Variants in CYP4F3 observed in about 807,000 individuals in gnomAD.
CYP4F3 encodes the protein cytochrome P450 family 4 subfamily F member 3, also known as cytochrome P450 4F3.
CYP4F3 carries 50 observed loss-of-function variants against 54.8 expected under a neutral mutation model. That is an observed-to-expected ratio of 0.91 (90% CI 0.73 to 1.16). The LOEUF (loss-of-function observed/expected upper bound fraction) is 1.16, where lower values mean the gene tolerates loss of function less well. Ranked by LOEUF, CYP4F3 falls within the 50% of genes most tolerant of loss-of-function variation. The pLI is 0.00. For synonymous variants in CYP4F3, 244 were observed against 262.6 expected (o/e 0.93, Z 0.69); for missense variants, 715 against 676.2 (o/e 1.06, Z -0.64).
intron 5 of CYP4F3, 42 bp from the exon 6 acceptor site, chr19:15,649,118 G>T (rs781049233): frequency 1.2e-6 from 2 of 1,611,006 alleles, no homozygotes; most frequent in Non-Finnish European, 1.7e-6. Context: ...CTGCTCAAGG[G>T]AGCAAGGGAC....
rs1199478206 is a variant in CYP4F3 at position 15,641,573 on chromosome 19, A to C, written c.158A>C (p.Gln53Pro). 1 of 1,613,854 alleles carries C rather than the reference A, an allele frequency of 6.2e-7. No individual in the cohort carries two copies. The highest frequency in any genetic ancestry group is 1.7e-5 in the Admixed American group (1 of 59,998). ...TGCTGCCGCCTCCGGTGTTTCCCGC[A>C]ACCCCCGAAACGGAATTGGTTCTTG... The part of the protein sequence containing the change: ...DNCCRLRCFP[Q>P]PPKRNWFLGH... Residue 53 changes from glutamine (Q) to proline (P), a missense_variant, in exon 2 of 13, where the codon CAA (glutamine) becomes CCA (proline). Gln to Pro is a moderately conservative substitution (Grantham distance 76). Coordinates refer to ENST00000221307, the MANE Select transcript of CYP4F3 (RefSeq NM_000896.3).
chr19:15,641,634 G>A, intron 2 of CYP4F3, 21 bp downstream of exon 2: 1 of 1,613,184 alleles, frequency 6.2e-7, no homozygotes, highest in Non-Finnish European at 8.5e-7. Flanking sequence ...CAGCAGGACG[G>A]GTCTGGGGTC....
chr19:15,649,840 C>A (rs1972734359), intron 6 of CYP4F3, 73 bp from the exon 7 acceptor site: 2 of 1,575,060 alleles, frequency 1.3e-6, no homozygotes, highest in South Asian at 2.4e-5. Flanking sequence ...TAGCTCCTAG[C>A]TGCTGGTGGG....
rs757825148 is a variant in CYP4F3, at chr19:15,659,244, G to A, written c.1422G>A (p.Ala474=). The change falls in exon 13 of 13, where the codon GCG becomes GCA. Residue 474 remains alanine, a synonymous_variant. Transcript: ENST00000221307. ...GPRNCIGQAF[A]MAEMKVVLGL... ...GGAACTGCATCGGGCAGGCGTTCGCGATGGCGGAGATGAAGGTGGTCCTGG... is the reference window on the plus strand; with the variant it reads ...GGAACTGCATCGGGCAGGCGTTCGCAATGGCGGAGATGAAGGTGGTCCTGG... The A allele has an allele frequency of 1.4e-5, 22 of 1,611,524 alleles. No individual in the cohort carries two copies. Among genetic ancestry groups the A allele is most frequent in the African/African-American group, 5.4e-5 (4 of 74,574 alleles).
chr19:15,650,872 C>T (rs1383937433), intron 7 of CYP4F3, among the ~76,000 whole-genome samples: 18 of 69,210 alleles, frequency 2.6e-4, no homozygotes, highest in Admixed American at 5.7e-4. Flanking sequence ...CTTTCTTTTT[C>T]TCTCTCTCTC....
intron 11 of CYP4F3, 24 bp from the exon 12 acceptor site, chr19:15,658,703 A>T: frequency 6.2e-7 from 1 of 1,613,544 alleles, no homozygotes; most frequent in Non-Finnish European, 8.5e-7. Context: ...CCCACCCGGC[A>T]ACCCTTCTTG....
rs146797714 is a variant in CYP4F3 at position 15,647,104 on chromosome 19, G to T, written c.396G>T (p.Leu132=). Residue 132 remains leucine, a splice_region_variant and synonymous_variant, in exon 4 of 13, where the codon CTG becomes CTT. Coordinates refer to ENST00000221307, the MANE Select transcript of CYP4F3 (RefSeq NM_000896.3). Reference sequence around the variant, plus strand: ...TCTACAGCTTCCTGAAGCCCTGGCTGGGTGAGTATCTGTAGGTGAACAGGG... The same window carrying T: ...TCTACAGCTTCCTGAAGCCCTGGCTTGGTGAGTATCTGTAGGTGAACAGGG... The part of the protein sequence containing the change: ...KVFYSFLKPW[L]GDGLLLSAGE... 18 of 1,613,806 alleles carry T rather than the reference G, an allele frequency of 1.1e-5. No individual in the cohort carries two copies. The African/African-American group carries it at 2.4e-4, about 22-fold the overall frequency.
rs1973204842 is a variant in CYP4F3, at chr19:15,662,533, G to T, written c.*3148G>T. The T allele has an allele frequency of 6.6e-6, 1 of 151,848 alleles. No individual in the cohort carries two copies. Among genetic ancestry groups the T allele is most frequent in the Non-Finnish European group, 1.5e-5 (1 of 67,956 alleles). 9.4% of individuals were successfully genotyped at this position (151,848 alleles called of 1,614,324 possible). A position where few individuals can be genotyped will look rare whatever the true frequency, so the allele number is the denominator to read the frequency against. ...AATTTTTGGCTATTCTGCTTCCTTT[G>T]TGTTTCTATGTAAATTTTATCATCA... On this transcript the variant is annotated 3_prime_UTR_variant, in exon 13 of 13. Transcript: ENST00000221307.
At chr19:15,644,236 A>G (rs1298761585) in intron 2 of CYP4F3, among the ~76,000 whole-genome samples, 1 of 152,090 alleles carries the variant, frequency 6.6e-6, no homozygotes, top group Non-Finnish European at 1.5e-5. Flanking sequence ...CTCCATTGCC[A>G]TCTGACCCCC....
At chr19:15,648,445 T>C (rs189475299) in intron 5 of CYP4F3, among the ~76,000 whole-genome samples, 19 of 152,142 alleles carry the variant, frequency 1.2e-4, no homozygotes, top group Admixed American at 1.2e-3. Flanking sequence ...CTCAAAGTTA[T>C]TTTCTGCAAA....
Position 15,659,433 on chromosome 19 carries a change from T to C in CYP4F3, c.*48T>C, listed in dbSNP as rs1448894048. 11 of 1,595,882 alleles carry C rather than the reference T, an allele frequency of 6.9e-6. No homozygotes were observed. The highest frequency in any genetic ancestry group is 5.2e-5 in the Admixed American group (3 of 57,662). ...CCCCACTAAAATGACCCCTGATTCA[T>C]CAAAAGTGAGGCCTAGAATTACCCT... On this transcript the variant is annotated 3_prime_UTR_variant, in exon 13 of 13. Transcript: ENST00000221307.
chr19:15,645,893 A>G, intron 3 of CYP4F3, 30 bp downstream of exon 3: 2 of 1,570,432 alleles, frequency 1.3e-6, no homozygotes, highest in South Asian at 2.4e-5. Flanking sequence ...CTCCAGGTAG[A>G]CACTGCACTG....
intron 6 of CYP4F3, 133 bp from the exon 7 acceptor site, chr19:15,649,780 T>G: frequency 8.0e-7 from 1 of 1,256,376 alleles, no homozygotes; most frequent in Non-Finnish European, 1.1e-6. Context: ...ATCCCCATCC[T>G]GCATCTGAGG....
At chr19:15,646,258 G>A (rs1296111507) in intron 3 of CYP4F3, among the ~76,000 whole-genome samples, 3 of 152,146 alleles carry the variant, frequency 2.0e-5, no homozygotes, top group East Asian at 3.9e-4. Context: ...GGCATGTGAG[G>A]GGCTGTTTTG....
chr19:15,641,198 A>G (rs1972451417), intron 1 of CYP4F3: 6 of 579,926 alleles, frequency 1.0e-5, no homozygotes, highest in South Asian at 2.2e-5. Flanking sequence ...GTCTTTCTCA[A>G]TCTAAGTGCT....
At chr19:15,644,723 G>A (rs764087257) in intron 2 of CYP4F3, among the ~76,000 whole-genome samples, 1 of 152,134 alleles carries the variant, frequency 6.6e-6, no homozygotes, top group African/African-American at 2.4e-5. Flanking sequence ...TCTAGGCCCT[G>A]GGAATCTCCA....
At chr19:15,653,878 G>C (rs1972943810) in intron 9 of CYP4F3, among the ~76,000 whole-genome samples, 1 of 152,112 alleles carries the variant, frequency 6.6e-6, no homozygotes. Flanking sequence ...GCAGGGGCTG[G>C]CTGTGGAAGC....
At chr19:15,641,205 T>G (rs1972451762) in intron 1 of CYP4F3, 1 of 591,898 alleles carries the variant, frequency 1.7e-6, no homozygotes, top group African/African-American at 1.9e-5. Context: ...TCAATCTAAG[T>G]GCTTACCGGG....
chr19:15,656,728 T>TTATGTATC (rs763743135), intron 9 of CYP4F3, among the ~76,000 whole-genome samples: 1 of 143,914 alleles, frequency 6.9e-6, no homozygotes, highest in Non-Finnish European at 1.5e-5. Flanking sequence ...TATCATCTAT[T>TTATGTATC]TATCTATCTA....
Sources: allele counts gnomAD v4.1 joint callset (sites outside exome capture counted in the v4.1 genomes callset), GRCh38; gene constraint gnomAD v4.1.1; transcripts MANE v1.5; gene names NCBI Gene and HGNC (gene_info 2026-07-23, HGNC 2026-07-21).